Variants in ROCK1 observed in about 807,000 individuals in gnomAD.
ROCK1 encodes the protein rho-associated protein kinase 1.
Under a neutral mutation model 196.8 loss-of-function variants are expected in ROCK1, and 36 were observed. The observed-to-expected ratio is 0.18, with a 90% confidence interval of 0.14 to 0.24. The LOEUF is 0.24. Among genes scored for constraint, ROCK1 ranks in the 10% least tolerant of loss-of-function variants. ROCK1 has a pLI of 1.00. For missense variants in ROCK1, 920 were observed against 1,562.0 expected (o/e 0.59, Z 6.93); for synonymous variants, 443 against 515.9 (o/e 0.86, Z 1.91).
intron 1 of ROCK1, among the ~76,000 whole-genome samples, chr18:21,070,868 T>C (rs576296458): frequency 3.3e-5 from 5 of 152,328 alleles, no homozygotes; most frequent in South Asian, 4.1e-4. Flanking sequence ...GTGATTTCAA[T>C]CCATGCACTT....
intron 1 of ROCK1, 81 bp from the exon 2 acceptor site, chr18:21,070,694 CTTTAATA>C: frequency 1.2e-6 from 1 of 826,604 alleles, no homozygotes; most frequent in Non-Finnish European, 1.8e-6. Context: ...AAAATATACG[CTTTAATA>C]TTTAATTTCC....
At chr18:21,011,689 C>G (rs1047335793) in intron 13 of ROCK1, among the ~76,000 whole-genome samples, 4 of 152,124 alleles carry the variant, frequency 2.6e-5, no homozygotes, top group Non-Finnish European at 5.9e-5. Flanking sequence ...CTCCTGGGCT[C>G]AAGCAATCCG....
chr18:20,952,678 G>C (rs9955452), intron 32 of ROCK1, among the ~76,000 whole-genome samples: 1 of 151,698 alleles, frequency 6.6e-6, no homozygotes, highest in South Asian at 2.1e-4. Flanking sequence ...GGGAGGCTGA[G>C]GCTGGAGAAT....
At chr18:21,069,096 T>C (rs1367623594) in intron 2 of ROCK1, among the ~76,000 whole-genome samples, 1 of 152,168 alleles carries the variant, frequency 6.6e-6, no homozygotes, top group East Asian at 1.9e-4. Context: ...TGTAGGTTTC[T>C]TGTAGATTCC....
intron 27 of ROCK1, 128 bp from the exon 28 acceptor site, chr18:20,960,334 G>A: frequency 1.6e-6 from 1 of 610,714 alleles, no homozygotes; most frequent in Non-Finnish European, 2.9e-6. Flanking sequence ...GCTATAATTT[G>A]CTCTTCCATG....
chr18:20,961,817 C>CCT (rs2035329745), intron 27 of ROCK1, among the ~76,000 whole-genome samples: 1 of 139,968 alleles, frequency 7.1e-6, no homozygotes, highest in African/African-American at 2.7e-5. Context: ...TTTTCTTTTT[C>CCT]CTTTTTTTTT....
intron 1 of ROCK1, among the ~76,000 whole-genome samples, chr18:21,103,836 G>T (rs1479208068): frequency 3.3e-5 from 5 of 152,154 alleles, no homozygotes; most frequent in Non-Finnish European, 5.9e-5. Context: ...TGAGAAAAAT[G>T]ATGTACTTCA....
intron 3 of ROCK1, 152 bp downstream of exon 3, chr18:21,049,628 A>C: frequency 1.7e-6 from 1 of 582,280 alleles, no homozygotes. Context: ...TAGATTTGAC[A>C]CTAGGCTTCC....
chr18:20,988,065 C>CA (rs1054825027), intron 18 of ROCK1, among the ~76,000 whole-genome samples: 4 of 149,168 alleles, frequency 2.7e-5, no homozygotes, highest in East Asian at 3.9e-4. Flanking sequence ...TAGACTCAGT[C>CA]TTTTTTTTTT....
chr18:21,066,301 G>A (rs1282952251), intron 2 of ROCK1, among the ~76,000 whole-genome samples: 1 of 152,032 alleles, frequency 6.6e-6, no homozygotes, highest in African/African-American at 2.4e-5. Context: ...TTTTGTTCAT[G>A]TCTTTAAATT....
At chr18:21,083,850 T>C (rs2036503089) in intron 1 of ROCK1, among the ~76,000 whole-genome samples, 2 of 152,182 alleles carry the variant, frequency 1.3e-5, no homozygotes, top group Admixed American at 1.3e-4. Flanking sequence ...ATTAAAAAAG[T>C]ATGTATTTCA....
At chr18:21,008,462 C>T (rs759113362) in intron 13 of ROCK1, among the ~76,000 whole-genome samples, 5 of 152,146 alleles carry the variant, frequency 3.3e-5, no homozygotes, top group Non-Finnish European at 5.9e-5. Flanking sequence ...TTGGTAGAGA[C>T]GGCTTTTGCC....
At chr18:21,052,928 T>C (rs1359103500) in intron 2 of ROCK1, among the ~76,000 whole-genome samples, 1 of 152,200 alleles carries the variant, frequency 6.6e-6, no homozygotes, top group African/African-American at 2.4e-5. Context: ...AATTTCACAT[T>C]GTGATACATA....
intron 1 of ROCK1, 147 bp downstream of exon 1, chr18:21,110,671 T>A (rs1279855974): frequency 1.4e-6 from 1 of 693,032 alleles, no homozygotes; most frequent in Non-Finnish European, 2.6e-6. Flanking sequence ...ATGTTAATGG[T>A]ACTCCAAGAT....
At chr18:20,970,656 C>T (rs1406672962) in intron 22 of ROCK1, 143 bp from the exon 23 acceptor site, 1 of 597,620 alleles carries the variant, frequency 1.7e-6, no homozygotes, top group Non-Finnish European at 2.8e-6. Context: ...CCATTGCAAA[C>T]TTTCTATAAA....
At chr18:20,964,831 A>G (rs745739335) in intron 27 of ROCK1, among the ~76,000 whole-genome samples, 2 of 152,212 alleles carry the variant, frequency 1.3e-5, no homozygotes, top group Non-Finnish European at 2.9e-5. Flanking sequence ...AAGTCTGCCA[A>G]TGAAGCCAGC....
At chr18:20,951,507 C>T (rs556360776) in intron 32 of ROCK1, 120 bp from the exon 33 acceptor site, 13 of 722,488 alleles carry the variant, frequency 1.8e-5, no homozygotes, top group Non-Finnish European at 2.7e-5. Flanking sequence ...TTAACAATTA[C>T]ACAAAATTTG....
At chr18:21,067,989 A>G (rs1384228723) in intron 2 of ROCK1, among the ~76,000 whole-genome samples, 2 of 152,148 alleles carry the variant, frequency 1.3e-5, no homozygotes, top group African/African-American at 4.8e-5. Flanking sequence ...CTTCTTTTAC[A>G]TGCTTTGCAA....
chr18:20,965,195 G>A (rs2035361102), intron 27 of ROCK1, among the ~76,000 whole-genome samples: 1 of 152,056 alleles, frequency 6.6e-6, no homozygotes, highest in Non-Finnish European at 1.5e-5. Flanking sequence ...TTCAAAACCA[G>A]CCTGGGCAAT....
Sources: gnomAD v4.1 joint callset for allele counts (sites outside exome capture counted in the v4.1 genomes callset) on GRCh38, gnomAD v4.1.1 for gene constraint, MANE v1.5 for transcripts, NCBI Gene and HGNC (gene_info 2026-07-23, HGNC 2026-07-21) for gene names.